The following C3orf20 variants were observed in gnomAD, a reference collection of about 807,000 sequenced individuals.
C3orf20 encodes family with sequence similarity 149 member C, also known as uncharacterized protein C3orf20.
A neutral mutation model predicts 88.3 loss-of-function variants in C3orf20; 76 were observed. The observed-to-expected ratio is 0.86, with a 90% CI of 0.72 to 1.04. The LOEUF (loss-of-function observed/expected upper bound fraction) is 1.04. C3orf20 is among the 50% of genes least tolerant of loss of function. C3orf20 has a pLI of 0.00. For missense variants in C3orf20, 1,056 were observed against 1,123.3 expected (o/e 0.94, Z 0.86); for synonymous variants, 436 against 437.4 (o/e 1.00, Z 0.04).
In C3orf20 at chr3:14,714,125, G is replaced by A; in HGVS notation, c.1279G>A (p.Gly427Ser). The change falls in exon 8 of 17, where the codon GGC (glycine) becomes AGC (serine). Residue 427 changes from glycine to serine, a missense_variant. Transcript: ENST00000253697. ...FSLLALFNTE[G>S]QGCVHYNLKT... ...CTTGCTGGCCCTATTCAATACTGAA[G>A]GCCAGGGCTGTGTTCACTACAACCT... The A allele has an allele frequency of 6.2e-7, 1 of 1,614,018 alleles. No individual in the cohort carries two copies. Among genetic ancestry groups the A allele is most frequent in the African/African-American group, 1.3e-5 (1 of 75,040 alleles).
intron 12 of C3orf20, among the ~76,000 whole-genome samples, chr3:14,732,444 G>T (rs1559428260): frequency 1.3e-5 from 2 of 152,088 alleles, no homozygotes; most frequent in Non-Finnish European, 2.9e-5. Flanking sequence ...TTATTCTCTT[G>T]ACAGTGTATT....
At chr3:14,721,519 A>G (rs1386755660) in intron 9 of C3orf20, 134 bp from the exon 10 acceptor site, 36 of 1,275,918 alleles carry the variant, frequency 2.8e-5, no homozygotes, top group Non-Finnish European at 3.6e-5. Flanking sequence ...CGGAATTCTA[A>G]CATAAGAACT....
intron 12 of C3orf20, among the ~76,000 whole-genome samples, chr3:14,729,429 T>C (rs1353928040): frequency 6.6e-6 from 1 of 151,404 alleles, no homozygotes; most frequent in Non-Finnish European, 1.5e-5. Context: ...GAGGCTGGAG[T>C]GTGGTGGAAA....
intron 10 of C3orf20, among the ~76,000 whole-genome samples, chr3:14,725,198 T>C (rs1346019237): frequency 3.3e-5 from 5 of 152,248 alleles, no homozygotes; most frequent in Non-Finnish European, 7.3e-5. Flanking sequence ...TGGTTAAGCA[T>C]CTCAGGATAT....
Position 14,704,502 on chromosome 3 carries a change from C to T in C3orf20, c.1044C>T (p.Pro348=), listed in dbSNP as rs1156894910. Residue 348 remains proline (P), a synonymous_variant, in exon 7 of 17, where the codon CCC becomes CCT. Coordinates refer to ENST00000253697, the MANE Select transcript of C3orf20 (RefSeq NM_032137.5). ...PPTAGAQTLS[P]TSHPSSANHH... ...CTGCAGGTGCTCAGACTCTCAGCCC[C>T]ACCTCTCACCCATCTTCTGCCAACC... 6 of 1,614,180 alleles carry T rather than the reference C, an allele frequency of 3.7e-6. No individual in the cohort carries two copies. Among genetic ancestry groups the T allele is most frequent in the Non-Finnish European group, 5.1e-6 (6 of 1,180,024 alleles).
chr3:14,757,269 G>C (rs1026492554), intron 12 of C3orf20, 102 bp from the exon 13 acceptor site: 2 of 1,011,856 alleles, frequency 2.0e-6, no homozygotes, highest in East Asian at 5.2e-5. Context: ...ACTAAAATCT[G>C]CCTGCAGCAG....
chr3:14,742,709 A>G lies in C3orf20; in HGVS notation c.1940+14021A>G, dbSNP rs551346161. Reference sequence around the variant, plus strand: ...ACATACCCGAAACTGGGAACAAAAAAAGGTTTAATTGGACTTACAGTTCCA... The same window carrying G: ...ACATACCCGAAACTGGGAACAAAAAGAGGTTTAATTGGACTTACAGTTCCA... On this transcript the variant is annotated intron_variant, in intron 12 of 16. Transcript: ENST00000253697. Among the ~76,000 whole-genome samples, 132 of 152,234 alleles carry G rather than the reference A, an allele frequency of 8.7e-4. 2 individuals carry two copies. Among genetic ancestry groups the G allele is most frequent in the Middle Eastern group, 3.4e-3 (1 of 294 alleles).
At chr3:14,689,067 A>G (rs2032585254) in intron 4 of C3orf20, among the ~76,000 whole-genome samples, 1 of 152,102 alleles carries the variant, frequency 6.6e-6, no homozygotes, top group African/African-American at 2.4e-5. Context: ...GGGAGGGATC[A>G]TTGGAGCAGA....
Position 14,727,001 on chromosome 3 carries a change from T to C in C3orf20, c.1667T>C (p.Ile556Thr). 1 of 1,614,170 alleles carries C rather than the reference T, an allele frequency of 6.2e-7. No individual in the cohort carries two copies. ...TTTCAGAAGACAGTGACTCAGTTCA[T>C]TAATTCTATCTTGCTGGCCGCAGGT... ...KRFQKTVTQF[I>T]NSILLAAGLF... is the part of the protein sequence containing the mutation. The change falls in exon 11 of 17, where the codon ATT becomes ACT. Residue 556 changes from isoleucine to threonine, a missense_variant. By Grantham distance (89) the Ile-to-Thr change is moderately conservative (BLOSUM62 -1). Coordinates refer to ENST00000253697, the MANE Select transcript of C3orf20 (RefSeq NM_032137.5).
chr3:14,712,087 G>A (rs895028038), intron 7 of C3orf20, among the ~76,000 whole-genome samples: 1 of 151,954 alleles, frequency 6.6e-6, no homozygotes, highest in African/African-American at 2.4e-5. Context: ...TAATTTTTAA[G>A]ATGCAGTCAT....
At chr3:14,748,444 T>C (rs1351598289) in intron 12 of C3orf20, among the ~76,000 whole-genome samples, 1 of 152,146 alleles carries the variant, frequency 6.6e-6, no homozygotes, top group Non-Finnish European at 1.5e-5. Context: ...ATCTATTCTT[T>C]ATTTATTTAC....
rs1040890726 is a variant in C3orf20, at chr3:14,768,623, T to G, written c.2496-3444T>G. Among the ~76,000 whole-genome samples, 1 of 151,970 alleles carries G rather than the reference T, an allele frequency of 6.6e-6. No homozygotes were observed. Among genetic ancestry groups the G allele is most frequent in the Non-Finnish European group, 1.5e-5 (1 of 68,018 alleles). ...CACAGCAGCAGACAGTAACGACGGA[T>G]GAGGATGGTGTTAAAACTACCTCTT... is the stretch of plus-strand genomic sequence containing the variant. On this transcript the variant is annotated intron_variant, in intron 15 of 16. Transcript: ENST00000253697. This position sits in a 1 kb window ranked among gnomAD's most constrained non-coding sequence, Gnocchi z 4.1.
intron 9 of C3orf20, among the ~76,000 whole-genome samples, chr3:14,720,325 C>T (rs112159295): frequency 0.16 from 23,828 of 152,108 alleles, 2,152 homozygotes; most frequent in Non-Finnish European, 0.2. Context: ...CCACCGTGCC[C>T]GGCAGAGGGT....
At chr3:14,715,944 A>G (rs1364335450) in intron 9 of C3orf20, among the ~76,000 whole-genome samples, 1 of 151,980 alleles carries the variant, frequency 6.6e-6, no homozygotes, top group Non-Finnish European at 1.5e-5. Flanking sequence ...ATAACAAATA[A>G]TAAAGAGGGC....
chr3:14,699,562 T>G (rs2033158549), intron 5 of C3orf20, among the ~76,000 whole-genome samples: 1 of 152,244 alleles, frequency 6.6e-6, no homozygotes, highest in African/African-American at 2.4e-5. Flanking sequence ...GAGTAGGGCC[T>G]GGAATGGGGG....
chr3:14,751,259 A>T (rs1559439935), intron 12 of C3orf20, among the ~76,000 whole-genome samples: 2 of 152,226 alleles, frequency 1.3e-5, no homozygotes, highest in Non-Finnish European at 2.9e-5. Context: ...GTGGTTGAAG[A>T]TGGCTGAATA....
intron 5 of C3orf20, among the ~76,000 whole-genome samples, chr3:14,700,508 G>T (rs2033209764): frequency 6.6e-6 from 1 of 152,182 alleles, no homozygotes; most frequent in African/African-American, 2.4e-5. Flanking sequence ...TTTACAAGGG[G>T]TCCTGGAATG....
intron 13 of C3orf20, among the ~76,000 whole-genome samples, chr3:14,759,108 A>G (rs1169846470): frequency 6.6e-6 from 1 of 152,212 alleles, no homozygotes; most frequent in Non-Finnish European, 1.5e-5. Flanking sequence ...GTTGAAGTTC[A>G]TAAAGGAGTG....
chr3:14,757,212 T>G (rs1272887477), intron 12 of C3orf20, among the ~76,000 whole-genome samples, 159 bp from the exon 13 acceptor site: 1 of 152,196 alleles, frequency 6.6e-6, no homozygotes, highest in East Asian at 1.9e-4. Context: ...CCAGAGAGGT[T>G]AGGGGACCTG....
Sources: gnomAD v4.1 joint callset for allele counts (sites outside exome capture counted in the v4.1 genomes callset) on GRCh38, gnomAD v4.1.1 for gene constraint, Gnocchi (gnomAD v3.1) non-coding constraint, MANE v1.5 for transcripts, NCBI Gene and HGNC (gene_info 2026-07-23, HGNC 2026-07-21) for gene names.